The following TPM3 variants were observed in gnomAD, a reference collection of about 807,000 sequenced individuals.
TPM3 encodes tropomyosin 3.
TPM3 carries 16 observed loss-of-function variants against 43.1 expected under a neutral mutation model. The observed-to-expected ratio is 0.37, with a 90% CI of 0.25 to 0.56. TPM3 has a LOEUF of 0.56. TPM3 is among the 20% of genes least tolerant of loss of function. The pLI is 0.77. For synonymous variants in TPM3, 101 were observed against 116.9 expected (o/e 0.86, Z 0.88); for missense variants, 176 against 337.2 (o/e 0.52, Z 3.74).
At position 154,186,990 on chromosome 1, in the gene TPM3, ATTAACCT is replaced by A. The variant is rs1663440857; in HGVS notation, c.243+4189_243+4195del. Among the ~76,000 whole-genome samples the A allele has an allele frequency of 7.2e-5, 11 of 151,796 alleles. No individual in the cohort carries two copies. In the South Asian group the frequency reaches 2.3e-3, roughly 31 times the overall value. ...GATAATATGCTCTGTTTACTTATTT[ATTAACCT>A]CAAGGACAGAAGCTGAGCTGTTAAC... On this transcript the variant is annotated intron_variant, in intron 2 of 9. Coordinates refer to ENST00000651641, the MANE Select transcript of TPM3 (RefSeq NM_152263.4).
Position 154,176,374 on chromosome 1 carries a change from T to C in TPM3, c.244-126A>G, listed in dbSNP as rs753045485. 5.9e-6 allele frequency: 8 copies of C among 1,364,416 alleles called. 1 individual carries two copies. The highest frequency in any genetic ancestry group is 2.4e-5 in the East Asian group (1 of 41,772). 84.5% of individuals were successfully genotyped at this position (1,364,416 alleles called of 1,614,324 possible). ...GAGTCTCGCAGGGTAGAACTTGTCT[T>C]AGCTCAGCTGTTAAAAGATCTAGCA... On this transcript the variant is annotated intron_variant, in intron 2 of 9. Coordinates refer to ENST00000651641, the MANE Select transcript of TPM3 (RefSeq NM_152263.4).
chr1:154,189,221 G>T (rs1204446212), intron 2 of TPM3, among the ~76,000 whole-genome samples: 1 of 130,938 alleles, frequency 7.6e-6, no homozygotes, highest in Non-Finnish European at 1.5e-5. Flanking sequence ...AGTGGCTCAC[G>T]CCTGTAATCC....
intron 2 of TPM3, among the ~76,000 whole-genome samples, chr1:154,185,538 C>T (rs1663378215): frequency 6.7e-6 from 1 of 150,214 alleles, no homozygotes; most frequent in South Asian, 2.1e-4. Context: ...CAAAAACAAG[C>T]AAACAAACAA....
At chr1:154,171,553 G>A in intron 5 of TPM3, 65 bp from the exon 6 acceptor site, 1 of 1,547,352 alleles carries the variant, frequency 6.5e-7, no homozygotes, top group East Asian at 2.2e-5. Context: ...AAAAGGGAGA[G>A]AGACACATAG....
rs1460475987 is a variant in TPM3, at chr1:154,167,401, T to G, written c.*536A>C. The G allele has an allele frequency of 9.4e-7, 1 of 1,064,478 alleles. No individual in the cohort carries two copies. The highest frequency in any genetic ancestry group is 1.6e-5 in the African/African-American group (1 of 60,756). The allele number at this position is 1,064,478 out of a possible 1,614,324, so 65.9% of individuals were successfully genotyped here. ...GTGTATTGAGAGTCACTTCAATGGC[T>G]TCTCAATGACACCACACCAAAGGAG... On this transcript the variant is annotated 3_prime_UTR_variant, in exon 10 of 10. Transcript: ENST00000651641.
intron 2 of TPM3, among the ~76,000 whole-genome samples, chr1:154,178,434 C>T (rs1391677337): frequency 1.3e-5 from 2 of 152,180 alleles, no homozygotes; most frequent in African/African-American, 2.4e-5. Flanking sequence ...AGACCCCCTC[C>T]AGGGTGGAGT....
Position 154,162,707 on chromosome 1 carries a change from T to C in TPM3, c.*5230A>G, listed in dbSNP as rs576728342. Among the ~76,000 whole-genome samples the C allele has an allele frequency of 6.6e-6, 1 of 152,362 alleles. No homozygotes were observed. The highest frequency in any genetic ancestry group is 2.4e-5 in the African/African-American group (1 of 41,586). ...GGCTCAAGTAACACAGGATGGCTTC[T>C]GCAAGGATATTAAGCCTTAAACAAA... On this transcript the variant is annotated 3_prime_UTR_variant, in exon 10 of 10. Transcript: ENST00000651641.
At chr1:154,182,636 C>A (rs557856213) in intron 2 of TPM3, among the ~76,000 whole-genome samples, 2 of 152,268 alleles carry the variant, frequency 1.3e-5, no homozygotes, top group East Asian at 3.9e-4. Context: ...AGTTCTCCCA[C>A]CCTCCATGGG....
chr1:154,172,934 T>C lies in TPM3; in HGVS notation c.540A>G (p.Thr180=), dbSNP rs1233778238. 6.2e-7 allele frequency: 1 copy of C among 1,614,098 alleles called. No homozygotes were observed. Among genetic ancestry groups the C allele is most frequent in the Non-Finnish European group, 8.5e-7 (1 of 1,180,046 alleles). Reference sequence around the variant, plus strand: ...ACTCTGCCAGCTCAGCTCGTTCCTCTGTGCGTTCCAAGTCTCCTTCAATGA... The same window carrying C: ...ACTCTGCCAGCTCAGCTCGTTCCTCCGTGCGTTCCAAGTCTCCTTCAATGA... ...LVIIEGDLER[T]EERAELAESK... The change falls in exon 5 of 10, where the codon ACA becomes ACG. Residue 180 remains threonine, a synonymous_variant. Coordinates refer to ENST00000651641, the MANE Select transcript of TPM3 (RefSeq NM_152263.4).
chr1:154,173,223 C>T, intron 3 of TPM3, 22 bp from the exon 4 acceptor site: 2 of 1,597,640 alleles, frequency 1.3e-6, no homozygotes, highest in Non-Finnish European at 1.7e-6. Context: ...AGGACAAAAG[C>T]AATACTGACA....
downstream of TPM3, among the ~76,000 whole-genome samples, chr1:154,161,131 TAAA>T (rs953940037): frequency 3.5e-5 from 3 of 85,084 alleles, no homozygotes; most frequent in African/African-American, 1.4e-4. Flanking sequence ...ATGCAAATAT[TAAA>T]AAAAAAAAAA....
intron 3 of TPM3, among the ~76,000 whole-genome samples, chr1:154,174,327 T>C (rs1319717146): frequency 1.4e-5 from 2 of 140,026 alleles, no homozygotes; most frequent in South Asian, 4.5e-4. Context: ...AGAGTGAGAC[T>C]CTGTCTCAAA....
chr1:154,157,812 C>CT, downstream of TPM3: 1 of 772,240 alleles, frequency 1.3e-6, no homozygotes, highest in Non-Finnish European at 2.4e-6. Context: ...TGCAGAGAAG[C>CT]TGCAGACTGA....
downstream of TPM3, chr1:154,159,044 A>G (rs1277063219): frequency 1.3e-6 from 1 of 780,664 alleles, no homozygotes; most frequent in East Asian, 2.4e-5. Context: ...GGCTGTAGAG[A>G]CGCTCTGCAG....
At chr1:154,184,777 G>A (rs1384976631) in intron 2 of TPM3, among the ~76,000 whole-genome samples, 24 of 151,904 alleles carry the variant, frequency 1.6e-4, no homozygotes, top group Admixed American at 1.5e-3. Flanking sequence ...GCCAGGCTTG[G>A]TGGCAGCACG....
intron 2 of TPM3, among the ~76,000 whole-genome samples, chr1:154,190,965 C>A (rs1026619937): frequency 6.6e-6 from 1 of 151,910 alleles, no homozygotes; most frequent in Non-Finnish European, 1.5e-5. Flanking sequence ...GAGACCTTTA[C>A]ATGTATTAAA....
chr1:154,170,396 A>G lies in TPM3; in HGVS notation c.775+4T>C. 3.7e-6 allele frequency: 6 copies of G among 1,614,108 alleles called. No individual in the cohort carries two copies. The highest frequency in any genetic ancestry group is 5.1e-6 in the Non-Finnish European group (6 of 1,179,998). On this transcript the variant is annotated splice_donor_region_variant and intron_variant, in intron 8 of 9. Coordinates refer to ENST00000651641, the MANE Select transcript of TPM3 (RefSeq NM_152263.4). ...TATTTCAATCCCTACTCCAGGTTCC[A>G]TACCTTCCAGGTCATCAATTGTCTT... is the stretch of plus-strand genomic sequence containing the variant.
At position 154,167,868 on chromosome 1, in the gene TPM3, G is replaced by A. The variant is rs975131551; in HGVS notation, c.*69C>T. ...GGCTGACCCAAATGGAATCCAGAGCGAGAGTGGGGCCTTGGGTTCCCCGAG... is the reference window on the plus strand; with the variant it reads ...GGCTGACCCAAATGGAATCCAGAGCAAGAGTGGGGCCTTGGGTTCCCCGAG... On this transcript the variant is annotated 3_prime_UTR_variant, in exon 10 of 10. Coordinates refer to ENST00000651641, the MANE Select transcript of TPM3 (RefSeq NM_152263.4). The A allele has an allele frequency of 1.2e-5, 19 of 1,613,654 alleles. No individual in the cohort carries two copies. The highest frequency in any genetic ancestry group is 1.6e-4 in the Middle Eastern group (1 of 6,064).
intron 2 of TPM3, among the ~76,000 whole-genome samples, chr1:154,186,209 G>GT (rs1663405705): frequency 6.6e-6 from 1 of 151,526 alleles, no homozygotes; most frequent in Admixed American, 6.6e-5. Flanking sequence ...AACTTGCTTT[G>GT]TAGAAGTCTG....
Sources: gnomAD v4.1 joint callset for allele counts (sites outside exome capture counted in the v4.1 genomes callset) on GRCh38, gnomAD v4.1.1 for gene constraint, MANE v1.5 for transcripts, NCBI Gene and HGNC (gene_info 2026-07-23, HGNC 2026-07-21) for gene names.